The following NKAIN3 variants were observed in gnomAD, a reference collection of about 807,000 sequenced individuals.
NKAIN3 encodes sodium/potassium-transporting ATPase subunit beta-1-interacting protein 3.
Under a neutral mutation model 30.2 loss-of-function variants are expected in NKAIN3, and 25 were observed. The observed-to-expected ratio is 0.83, with a 90% confidence interval of 0.60 to 1.16. The LOEUF (loss-of-function observed/expected upper bound fraction) is 1.16. NKAIN3 is among the 50% of genes most tolerant of loss of function. NKAIN3 has a pLI of 0.00. For synonymous variants in NKAIN3, 91 were observed against 89.6 expected, an observed-to-expected ratio of 1.02 and a Z score of -0.09; for missense variants, 225 against 254.1, an observed-to-expected ratio of 0.89 and a Z score of 0.78.
intron 1 of NKAIN3, among the ~76,000 whole-genome samples, chr8:62,558,149 A>G (rs751028306): frequency 6.6e-5 from 10 of 151,966 alleles, no homozygotes; most frequent in Admixed American, 3.3e-4. Context: ...TCCCAGCACA[A>G]CTTGTTGAAT....
chr8:62,943,056 G>C (rs1428921440), intron 5 of NKAIN3, among the ~76,000 whole-genome samples: 1 of 152,070 alleles, frequency 6.6e-6, no homozygotes, highest in Non-Finnish European at 1.5e-5. Context: ...AAACTAAAAA[G>C]TTTCTTCACA....
At chr8:62,676,468 C>CT (rs1458550317) in intron 3 of NKAIN3, among the ~76,000 whole-genome samples, 1 of 152,178 alleles carries the variant, frequency 6.6e-6, no homozygotes, top group African/African-American at 2.4e-5. Flanking sequence ...ACTCGGCAGG[C>CT]TGAGGCAGTA....
intron 3 of NKAIN3, among the ~76,000 whole-genome samples, chr8:62,639,153 G>T (rs979310262): frequency 2.6e-5 from 4 of 152,160 alleles, no homozygotes; most frequent in Admixed American, 2.0e-4. Flanking sequence ...AGCAGACAGA[G>T]AATAGAAGGG....
intron 4 of NKAIN3, among the ~76,000 whole-genome samples, chr8:62,853,325 C>T (rs1443954626): frequency 6.6e-6 from 1 of 152,122 alleles, no homozygotes; most frequent in African/African-American, 2.4e-5. Flanking sequence ...TCCTCCATCC[C>T]TTTATTTTGA....
chr8:62,634,017 A>C (rs1812048699), intron 3 of NKAIN3, among the ~76,000 whole-genome samples: 1 of 152,172 alleles, frequency 6.6e-6, no homozygotes, highest in Non-Finnish European at 1.5e-5. Flanking sequence ...GTAGGCATGT[A>C]TGCTCAATTT....
chr8:62,639,932 C>T (rs141694289), intron 3 of NKAIN3, among the ~76,000 whole-genome samples: 1 of 152,106 alleles, frequency 6.6e-6, no homozygotes, highest in East Asian at 1.9e-4. Context: ...CACAAATGTA[C>T]CAGGAAATTA....
chr8:62,895,839 A>G (rs956132841), intron 4 of NKAIN3, among the ~76,000 whole-genome samples: 8 of 152,002 alleles, frequency 5.3e-5, no homozygotes, highest in African/African-American at 1.9e-4. Context: ...AACTCCAGCT[A>G]ACTCCCTGGT....
At chr8:62,987,510 G>T (rs1304444767), downstream of NKAIN3, among the ~76,000 whole-genome samples, 5 of 152,140 alleles carry the variant, frequency 3.3e-5, no homozygotes, top group African/African-American at 1.2e-4. Context: ...GAAGGCAAAG[G>T]AGGAGCAAAG....
intron 1 of NKAIN3, among the ~76,000 whole-genome samples, chr8:62,268,105 A>T (rs1477602996): frequency 6.6e-6 from 1 of 152,156 alleles, no homozygotes; most frequent in African/African-American, 2.4e-5. Context: ...CTGGGTTGGG[A>T]TTCAATAATG....
intron 1 of NKAIN3, among the ~76,000 whole-genome samples, chr8:62,517,587 C>T (rs192190597): frequency 6.6e-6 from 1 of 152,232 alleles, no homozygotes; most frequent in Non-Finnish European, 1.5e-5. Context: ...CACCTAACTA[C>T]AAAGAGGCAG....
chr8:62,863,831 T>C, intron 4 of NKAIN3: 1 of 1,609,998 alleles, frequency 6.2e-7, no homozygotes, highest in Non-Finnish European at 8.5e-7. Flanking sequence ...ATTGAAGAGG[T>C]CTGCAATTTT....
intron 3 of NKAIN3, among the ~76,000 whole-genome samples, chr8:62,693,816 G>A (rs1255959417): frequency 1.3e-5 from 2 of 151,672 alleles, no homozygotes; most frequent in South Asian, 2.1e-4. Flanking sequence ...CGAACCTAGG[G>A]GAAACATGAG....
At chr8:62,741,536 T>A (rs978216952) in intron 3 of NKAIN3, among the ~76,000 whole-genome samples, 4 of 152,188 alleles carry the variant, frequency 2.6e-5, no homozygotes, top group Non-Finnish European at 5.9e-5. Context: ...TCACCAGAGT[T>A]GAAGAGTCGA....
intron 1 of NKAIN3, among the ~76,000 whole-genome samples, chr8:62,422,546 G>A (rs1287236413): frequency 3.3e-5 from 5 of 152,016 alleles, no homozygotes; most frequent in South Asian, 4.1e-4. Context: ...GTAGAAGATC[G>A]CAAATGGCAG....
chr8:62,747,248 T>TTATGTACCATCCAAC, intron 4 of NKAIN3, 119 bp downstream of exon 4: 1 of 621,890 alleles, frequency 1.6e-6, no homozygotes, highest in Non-Finnish European at 2.8e-6. Flanking sequence ...CCAACAGAAA[T>TTATGTACCATCCAAC]AGAAGCAATT....
chr8:62,373,961 A>C (rs1424278619), intron 1 of NKAIN3, among the ~76,000 whole-genome samples: 2 of 151,930 alleles, frequency 1.3e-5, no homozygotes, highest in East Asian at 3.9e-4. Context: ...AAAATACAAA[A>C]AATTAGCCAG....
intron 3 of NKAIN3, among the ~76,000 whole-genome samples, chr8:62,720,283 T>C (rs1014017525): frequency 2.0e-5 from 3 of 152,198 alleles, no homozygotes; most frequent in African/African-American, 7.2e-5. Context: ...CCTTAACACA[T>C]TTATACATTT....
rs536233584 is a variant in NKAIN3, at chr8:62,973,639, C to G, written c.*8232C>G. Among the ~76,000 whole-genome samples, 1 of 152,094 alleles carries G rather than the reference C, an allele frequency of 6.6e-6. No individual in the cohort carries two copies. Among genetic ancestry groups the G allele is most frequent in the East Asian group, 1.9e-4 (1 of 5,172 alleles). On this transcript the variant is annotated 3_prime_UTR_variant, in exon 7 of 7. Transcript: ENST00000623646. The stretch of plus-strand genomic sequence containing the variant: ...TGCCTGTTCACTCTGATAATAGTTT[C>G]TTTTGCTGCACAGAAGCTCCTTAGT...
chr8:62,579,740 T>C (rs1402392731), intron 2 of NKAIN3, 64 bp downstream of exon 2: 1 of 988,684 alleles, frequency 1.0e-6, no homozygotes, highest in Non-Finnish European at 1.4e-6. Context: ...AGAATATAAA[T>C]AAAATATTTC....
Sources: allele counts gnomAD v4.1 joint callset (sites outside exome capture counted in the v4.1 genomes callset), GRCh38; gene constraint gnomAD v4.1.1; transcripts MANE v1.5; gene names NCBI Gene and HGNC (gene_info 2026-07-23, HGNC 2026-07-21).